PTPRD: variants seen among roughly 807,000 people sequenced by gnomAD.
The protein encoded by PTPRD is protein tyrosine phosphatase receptor type D, also known as receptor-type tyrosine-protein phosphatase delta.
A neutral mutation model predicts 214.5 loss-of-function variants in PTPRD; 34 were observed. That is an observed-to-expected ratio of 0.16 (90% CI 0.12 to 0.21). The LOEUF is 0.21. Among genes scored for constraint, PTPRD ranks in the 10% least tolerant of loss-of-function variants. The probability of loss-of-function intolerance (pLI) is 1.00; values close to 1 mark genes in which losing one functional copy is unlikely to be tolerated. For synonymous variants in PTPRD, 1,128 were observed against 845.7 expected (o/e 1.33, Z -5.79); for missense variants, 2,545 against 2,398.7 (o/e 1.06, Z -1.27).
chr9:10,014,880 C>A (rs11788236), intron 4 of PTPRD, among the ~76,000 whole-genome samples: 1 of 151,976 alleles, frequency 6.6e-6, no homozygotes, highest in Non-Finnish European at 1.5e-5. Flanking sequence ...AGACTTACTG[C>A]CCCACTTTAT....
intron 3 of PTPRD, among the ~76,000 whole-genome samples, chr9:10,339,580 T>C (rs2096902917): frequency 1.3e-5 from 2 of 151,680 alleles, no homozygotes; most frequent in Admixed American, 1.3e-4. Context: ...ATCGGCAAGA[T>C]AGAAAGGGAA....
intron 2 of PTPRD, among the ~76,000 whole-genome samples, chr9:10,438,417 G>C (rs923188769): frequency 6.6e-6 from 1 of 151,640 alleles, no homozygotes; most frequent in Non-Finnish European, 1.5e-5. Flanking sequence ...ATTGTAAATA[G>C]AGGAGCATCT....
At chr9:8,761,633 C>G (rs1407359581) in intron 11 of PTPRD, among the ~76,000 whole-genome samples, 2 of 152,136 alleles carry the variant, frequency 1.3e-5, no homozygotes, top group East Asian at 1.9e-4. Context: ...ATCCTAAGAA[C>G]GTATAACTAA....
intron 5 of PTPRD, among the ~76,000 whole-genome samples, chr9:9,905,685 G>A (rs562564458): frequency 8.6e-5 from 13 of 151,968 alleles, no homozygotes; most frequent in East Asian, 1.9e-4. Context: ...TTCCTACTGC[G>A]TAACTATATT....
At chr9:10,034,172 G>T (rs1001024148) in intron 3 of PTPRD, among the ~76,000 whole-genome samples, 2 of 151,916 alleles carry the variant, frequency 1.3e-5, no homozygotes, top group African/African-American at 4.8e-5. Flanking sequence ...TGATATAAAA[G>T]TTCATGCTGT....
intron 5 of PTPRD, among the ~76,000 whole-genome samples, chr9:9,798,566 G>A (rs1474326094): frequency 6.6e-6 from 1 of 152,136 alleles, no homozygotes; most frequent in Non-Finnish European, 1.5e-5. Flanking sequence ...CATGGGAGAA[G>A]GTCAGAGAAT....
chr9:10,365,743 T>C (rs2097503543), intron 2 of PTPRD, among the ~76,000 whole-genome samples: 2 of 152,116 alleles, frequency 1.3e-5, no homozygotes, highest in African/African-American at 4.8e-5. Flanking sequence ...TCATAACTTT[T>C]GATATTGAAA....
intron 8 of PTPRD, among the ~76,000 whole-genome samples, chr9:9,541,099 C>T (rs978190894): frequency 4.6e-5 from 7 of 151,736 alleles, no homozygotes; most frequent in Non-Finnish European, 8.8e-5. Flanking sequence ...GAGAAATACA[C>T]GGTAGACCTC....
chr9:8,602,954 A>G (rs1226227819), intron 14 of PTPRD, among the ~76,000 whole-genome samples: 1 of 152,174 alleles, frequency 6.6e-6, no homozygotes, highest in Admixed American at 6.5e-5. Flanking sequence ...CCACCACTGA[A>G]TTAGTCTTCC....
At chr9:8,637,607 TA>T (rs1030339858) in intron 12 of PTPRD, among the ~76,000 whole-genome samples, 15 of 152,226 alleles carry the variant, frequency 9.9e-5, no homozygotes, top group Non-Finnish European at 2.1e-4. Flanking sequence ...CCTCCTTCTT[TA>T]AAAAACTTAC....
chr9:9,637,791 C>A (rs953300381), intron 7 of PTPRD, among the ~76,000 whole-genome samples: 17 of 152,200 alleles, frequency 1.1e-4, no homozygotes, highest in African/African-American at 4.1e-4. Context: ...TTCTGCTCGG[C>A]ATTGCCCTAG....
At chr9:8,931,492 T>A (rs897715647) in intron 11 of PTPRD, among the ~76,000 whole-genome samples, 4 of 152,218 alleles carry the variant, frequency 2.6e-5, no homozygotes, top group African/African-American at 9.6e-5. Context: ...TTTCCAATTC[T>A]GTGAAGAAAG....
At chr9:10,160,642 G>A (rs1043379753) in intron 3 of PTPRD, among the ~76,000 whole-genome samples, 6 of 151,762 alleles carry the variant, frequency 4.0e-5, no homozygotes, top group Non-Finnish European at 7.4e-5. Context: ...GGAAAATAAT[G>A]AAATCCTCTT....
At chr9:10,466,503 ATCC>A (rs1186488456) in intron 2 of PTPRD, among the ~76,000 whole-genome samples, 1 of 151,678 alleles carries the variant, frequency 6.6e-6, no homozygotes, top group East Asian at 1.9e-4. Flanking sequence ...CATGCCTGTA[ATCC>A]CAGCTACTCG....
chr9:10,027,584 T>C (rs970607750), intron 4 of PTPRD, among the ~76,000 whole-genome samples: 2 of 152,222 alleles, frequency 1.3e-5, no homozygotes, highest in African/African-American at 2.4e-5. Context: ...TCAATATATG[T>C]GGAAGCATTT....
At chr9:9,874,621 A>C (rs576137662) in intron 5 of PTPRD, among the ~76,000 whole-genome samples, 1 of 152,340 alleles carries the variant, frequency 6.6e-6, no homozygotes, top group South Asian at 2.1e-4. Context: ...GTTCTCTTTT[A>C]TCTCAAATAA....
At chr9:9,547,936 GAT>G (rs1309692343) in intron 8 of PTPRD, among the ~76,000 whole-genome samples, 2 of 151,902 alleles carry the variant, frequency 1.3e-5, no homozygotes, top group Non-Finnish European at 2.9e-5. Flanking sequence ...AGAGAACAAT[GAT>G]AGGAATTTTT....
At position 10,015,179 on chromosome 9, in the gene PTPRD, G is replaced by A. The variant is rs369273322; in HGVS notation, c.-472+18539C>T. On this transcript the variant is annotated intron_variant, in intron 4 of 45. Transcript: ENST00000381196. ...GCTTAATGGCTTGGGAAATGATTAT[G>A]GGCAACAATAACTCAGAATTGACCT... Among the ~76,000 whole-genome samples the A allele has an allele frequency of 3.9e-5, 6 of 151,942 alleles. 2 individuals carry two copies. Among genetic ancestry groups the A allele is most frequent in the African/African-American group, 1.5e-4 (6 of 41,374 alleles).
intron 2 of PTPRD, among the ~76,000 whole-genome samples, chr9:10,570,667 G>C (rs1033680934): frequency 6.6e-6 from 1 of 151,922 alleles, no homozygotes; most frequent in Non-Finnish European, 1.5e-5. Context: ...TGCTAGTCAG[G>C]ACCATCTACC....
Sources: allele counts gnomAD v4.1 joint callset (sites outside exome capture counted in the v4.1 genomes callset), GRCh38; gene constraint gnomAD v4.1.1; transcripts MANE v1.5; gene names NCBI Gene and HGNC (gene_info 2026-07-23, HGNC 2026-07-21).